MROH2B: variants seen among roughly 807,000 people sequenced by gnomAD.
The protein encoded by MROH2B is maestro heat like repeat family member 2B.
In MROH2B, 177 loss-of-function variants were observed where a neutral mutation model predicts 208.6. The observed-to-expected ratio is 0.85, with a 90% CI of 0.75 to 0.96. The LOEUF is 0.96. Ranked by LOEUF, MROH2B falls within the 40% of genes least tolerant of loss-of-function variation. The probability of loss-of-function intolerance (pLI) is 0.00; values close to 1 mark genes in which losing one functional copy is unlikely to be tolerated. For synonymous variants in MROH2B, 728 were observed against 659.0 expected (o/e 1.10, Z -1.60); for missense variants, 2,002 against 1,878.7 (o/e 1.07, Z -1.21).
At chr5:41,056,924 C>G (rs1022011349) in intron 9 of MROH2B, 185 bp downstream of exon 9, 34 of 647,374 alleles carry the variant, frequency 5.3e-5, no homozygotes, top group Non-Finnish European at 9.1e-5. Flanking sequence ...CCATTCTTCC[C>G]GTCCTGCTCC....
intron 5 of MROH2B, among the ~76,000 whole-genome samples, chr5:41,062,833 T>C (rs1743682652): frequency 6.6e-6 from 1 of 152,136 alleles, no homozygotes; most frequent in South Asian, 2.1e-4. Context: ...TCTTGGTGTA[T>C]GTGTGTGTGG....
At chr5:41,024,105 G>A (rs1306914968) in intron 24 of MROH2B, among the ~76,000 whole-genome samples, 2 of 152,104 alleles carry the variant, frequency 1.3e-5, no homozygotes, top group African/African-American at 2.4e-5. Context: ...GACCATCAAG[G>A]CTAGGAAGAA....
chr5:41,005,086 G>C, intron 35 of MROH2B, 166 bp from the exon 36 acceptor site: 1 of 858,034 alleles, frequency 1.2e-6, no homozygotes, highest in Non-Finnish European at 1.7e-6. Flanking sequence ...CTGAGCTCTA[G>C]ATATGAGCAG....
At chr5:41,052,005 G>C (rs1018614401) in intron 12 of MROH2B, among the ~76,000 whole-genome samples, 2 of 152,034 alleles carry the variant, frequency 1.3e-5, no homozygotes, top group Non-Finnish European at 2.9e-5. Flanking sequence ...TTACTTCACT[G>C]TTCCATGGTA....
intron 34 of MROH2B, among the ~76,000 whole-genome samples, 177 bp downstream of exon 34, chr5:41,007,137 G>T (rs1741619841): frequency 6.6e-6 from 1 of 152,014 alleles, no homozygotes; most frequent in African/African-American, 2.4e-5. Flanking sequence ...GGTGTGTGTG[G>T]GGCTGATCTT....
chr5:41,018,913 G>T lies in MROH2B; in HGVS notation c.2547C>A (p.Gly849=), dbSNP rs1268829035. Residue 849 remains glycine, a synonymous_variant, in exon 25 of 42, where the codon GGC becomes GGA. Coordinates refer to ENST00000399564, the MANE Select transcript of MROH2B (RefSeq NM_173489.5). ...TGTGCTCCTTGTCCTTGTCTGTCTGGCCTTCACTTTTCAGATTTTCCAGAG... is the reference window on the plus strand; with the variant it reads ...TGTGCTCCTTGTCCTTGTCTGTCTGTCCTTCACTTTTCAGATTTTCCAGAG... ...LPPLENLKSE[G]QTDKDKEHIQ... The T allele has an allele frequency of 6.2e-7, 1 of 1,613,854 alleles. No homozygotes were observed. The highest frequency in any genetic ancestry group is 8.5e-7 in the Non-Finnish European group (1 of 1,179,862).
At position 41,018,971 on chromosome 5, in the gene MROH2B, T is replaced by C. The variant is rs1434951752; in HGVS notation, c.2489A>G (p.Glu830Gly). ...LSLQDHLNIL[E>G]ENIRRLLPLP... The stretch of plus-strand genomic sequence containing the variant: ...GGGCAGCAGCCTCCGAATATTCTCC[T>C]CAAGAATGTTAAGGTGGTCTTGTAG... Residue 830 changes from glutamate (E) to glycine (G), a missense_variant, in exon 25 of 42, where the codon GAG becomes GGG. Coordinates refer to ENST00000399564, the MANE Select transcript of MROH2B (RefSeq NM_173489.5). 6.2e-7 allele frequency: 1 copy of C among 1,613,838 alleles called. No homozygotes were observed. The highest frequency in any genetic ancestry group is 2.2e-5 in the East Asian group (1 of 44,874).
At chr5:41,058,918 G>A (rs10042582) in intron 6 of MROH2B, among the ~76,000 whole-genome samples, 13,822 of 151,080 alleles carry the variant, frequency 0.091, 712 homozygotes, top group African/African-American at 0.12. Flanking sequence ...CATGGTGGTG[G>A]GCGCCTGTAA....
At position 41,043,674 on chromosome 5, in the gene MROH2B, T is replaced by A. The variant is rs542048199; in HGVS notation, c.1837-1466A>T. 2.0e-5 allele frequency among the ~76,000 whole-genome samples: 3 copies of A among 152,330 alleles called. No individual in the cohort carries two copies. The East Asian group carries it at 5.8e-4, about 29-fold the overall frequency. ...GTGGTAGAGTGCAAAAATAGCAACTTTTCCATCCTATTTCTGTCCATGTCT... is the reference window on the plus strand; with the variant it reads ...GTGGTAGAGTGCAAAAATAGCAACTATTCCATCCTATTTCTGTCCATGTCT... On this transcript the variant is annotated intron_variant, in intron 18 of 41. Transcript: ENST00000399564.
intron 24 of MROH2B, among the ~76,000 whole-genome samples, chr5:41,030,554 A>G (rs1195763252): frequency 1.3e-5 from 2 of 152,100 alleles, no homozygotes; most frequent in African/African-American, 2.4e-5. Context: ...TGCCCAAAGC[A>G]ATATACATAT....
At chr5:41,061,856 A>C in intron 5 of MROH2B, 132 bp from the exon 6 acceptor site, 2 of 959,470 alleles carry the variant, frequency 2.1e-6, no homozygotes, top group Non-Finnish European at 2.9e-6. Context: ...GACTGCATCA[A>C]ATACACATAT....
chr5:41,001,147 T>C (rs1055022672), intron 37 of MROH2B, among the ~76,000 whole-genome samples: 5 of 152,196 alleles, frequency 3.3e-5, no homozygotes, highest in African/African-American at 9.6e-5. Context: ...GGGGTACTCA[T>C]AGAGAAAGCC....
At chr5:41,034,645 AT>A (rs139974389) in intron 21 of MROH2B, among the ~76,000 whole-genome samples, 24,235 of 151,926 alleles carry the variant, frequency 0.16, 2,066 homozygotes, top group East Asian at 0.3. Flanking sequence ...TGTATTTTTA[AT>A]TTTTTAAAAA....
intron 28 of MROH2B, among the ~76,000 whole-genome samples, chr5:41,016,574 G>A (rs573530038): frequency 7.9e-6 from 1 of 126,268 alleles, no homozygotes; most frequent in South Asian, 2.7e-4. Context: ...TGCCTTCCAG[G>A]TTCAAGTGAT....
intron 24 of MROH2B, among the ~76,000 whole-genome samples, chr5:41,022,473 G>A (rs189158961): frequency 4.3e-4 from 65 of 152,288 alleles, no homozygotes; most frequent in East Asian, 2.1e-3. Context: ...GTCTGAGATC[G>A]AACTGCAAGG....
At chr5:41,042,316 C>T (rs1036509027) in intron 18 of MROH2B, 108 bp from the exon 19 acceptor site, 11 of 647,076 alleles carry the variant, frequency 1.7e-5, no homozygotes, top group Non-Finnish European at 2.2e-5. Context: ...ATTGGGGTGA[C>T]TTAATAACCA....
chr5:41,050,297 A>AT (rs1468122614), intron 13 of MROH2B, among the ~76,000 whole-genome samples: 2 of 152,006 alleles, frequency 1.3e-5, no homozygotes, highest in African/African-American at 4.8e-5. Flanking sequence ...ACCCTAGATT[A>AT]TTTTTTTCAT....
chr5:41,008,972 G>A (rs955232069), intron 32 of MROH2B, among the ~76,000 whole-genome samples, 179 bp from the exon 33 acceptor site: 4 of 152,172 alleles, frequency 2.6e-5, no homozygotes, highest in Non-Finnish European at 4.4e-5. Context: ...ACTGCCAGGG[G>A]ACACTAGTCA....
intron 40 of MROH2B, 21 bp from the exon 41 acceptor site, chr5:40,998,698 T>C (rs1026033008): frequency 5.1e-6 from 8 of 1,558,126 alleles, no homozygotes; most frequent in Non-Finnish European, 7.0e-6. Context: ...TAGGAGACCA[T>C]GTTACTGATT....
Sources: gnomAD v4.1 joint callset for allele counts (sites outside exome capture counted in the v4.1 genomes callset) on GRCh38, gnomAD v4.1.1 for gene constraint, MANE v1.5 for transcripts, NCBI Gene and HGNC (gene_info 2026-07-23, HGNC 2026-07-21) for gene names.